The following RNF220 variants were observed in gnomAD, a reference collection of about 807,000 sequenced individuals.
RNF220 encodes the protein E3 ubiquitin-protein ligase RNF220.
A neutral mutation model predicts 67.1 loss-of-function variants in RNF220; 7 were observed. That is an observed-to-expected ratio of 0.10 (90% CI 0.06 to 0.20). The LOEUF is 0.20. Among genes scored for constraint, RNF220 ranks in the 10% least tolerant of loss-of-function variants. RNF220 has a pLI of 1.00. For synonymous variants in RNF220, 270 were observed against 283.2 expected (o/e 0.95, Z 0.47); for missense variants, 565 against 740.3 (o/e 0.76, Z 2.75).
intron 2 of RNF220, among the ~76,000 whole-genome samples, chr1:44,448,334 A>G (rs548475667): frequency 6.6e-6 from 1 of 152,264 alleles, no homozygotes; most frequent in East Asian, 1.9e-4. Context: ...TTTATACTTC[A>G]GTTTTTTTCA....
intron 2 of RNF220, among the ~76,000 whole-genome samples, chr1:44,510,017 C>T (rs1421926993): frequency 2.6e-5 from 4 of 151,640 alleles, no homozygotes; most frequent in African/African-American, 7.3e-5. Context: ...GCGGGAGGAT[C>T]GCTTGAGCCC....
At chr1:44,506,140 A>G (rs892692205) in intron 2 of RNF220, among the ~76,000 whole-genome samples, 2 of 152,256 alleles carry the variant, frequency 1.3e-5, no homozygotes, top group Non-Finnish European at 2.9e-5. Flanking sequence ...CAGGCACTCT[A>G]GCCCAGAAGT....
At chr1:44,611,569 C>G (rs1019236425) in intron 2 of RNF220, among the ~76,000 whole-genome samples, 1 of 152,218 alleles carries the variant, frequency 6.6e-6, no homozygotes, top group Non-Finnish European at 1.5e-5. Flanking sequence ...GTTCCAGCAA[C>G]CTGTCAACTC....
chr1:44,463,158 G>A (rs535765528), intron 2 of RNF220, among the ~76,000 whole-genome samples: 5 of 152,148 alleles, frequency 3.3e-5, no homozygotes, highest in African/African-American at 1.2e-4. Context: ...CCAACATGGA[G>A]AAACCCCGTC....
intron 2 of RNF220, chr1:44,419,436 A>G (rs1648967420): frequency 6.6e-6 from 1 of 152,258 alleles, no homozygotes. Flanking sequence ...TGCTAAGTAA[A>G]CAGAAGGAAT....
chr1:44,418,677 A>G (rs879823707), intron 2 of RNF220, among the ~76,000 whole-genome samples: 1 of 151,928 alleles, frequency 6.6e-6, no homozygotes, highest in Non-Finnish European at 1.5e-5. Flanking sequence ...TATCCAAATA[A>G]CAAAAGTTGC....
At chr1:44,535,723 C>T (rs1265327299) in intron 2 of RNF220, among the ~76,000 whole-genome samples, 1 of 152,188 alleles carries the variant, frequency 6.6e-6, no homozygotes, top group African/African-American at 2.4e-5. Flanking sequence ...CTGCGCAGCT[C>T]CTGGGTGACT....
At chr1:44,466,376 G>T (rs1471940643) in intron 2 of RNF220, among the ~76,000 whole-genome samples, 4 of 152,122 alleles carry the variant, frequency 2.6e-5, no homozygotes, top group African/African-American at 9.7e-5. Flanking sequence ...CATCCATGAG[G>T]GTTGGAATTA....
chr1:44,451,529 T>C (rs1396886552), intron 2 of RNF220, among the ~76,000 whole-genome samples: 4 of 152,246 alleles, frequency 2.6e-5, no homozygotes, highest in Non-Finnish European at 4.4e-5. Context: ...CTCTGTGATA[T>C]GTGTTGCAAA....
intron 3 of RNF220, among the ~76,000 whole-genome samples, chr1:44,620,304 C>T (rs528417250): frequency 1.3e-5 from 2 of 152,352 alleles, no homozygotes; most frequent in South Asian, 4.1e-4. Flanking sequence ...ATGTTAAGGC[C>T]TGCGCCTGTC....
chr1:44,620,171 TG>T (rs1425914429), intron 3 of RNF220, among the ~76,000 whole-genome samples: 1 of 152,260 alleles, frequency 6.6e-6, no homozygotes, highest in Non-Finnish European at 1.5e-5. Context: ...AAGCCAGCAC[TG>T]TGGGCTTGGC....
intron 2 of RNF220, among the ~76,000 whole-genome samples, chr1:44,512,809 G>A (rs1160214630): frequency 6.6e-6 from 1 of 152,184 alleles, no homozygotes; most frequent in Non-Finnish European, 1.5e-5. Flanking sequence ...TGGAAGAAGA[G>A]CGGCTGTCTC....
chr1:44,464,624 C>G (rs1007177171), intron 2 of RNF220, among the ~76,000 whole-genome samples: 1 of 152,142 alleles, frequency 6.6e-6, no homozygotes, highest in African/African-American at 2.4e-5. Flanking sequence ...ATTTGATGAG[C>G]TAATATGCCA....
At chr1:44,630,453 C>T (rs1644083720) in intron 5 of RNF220, among the ~76,000 whole-genome samples, 1 of 152,242 alleles carries the variant, frequency 6.6e-6, no homozygotes, top group Admixed American at 6.5e-5. Flanking sequence ...TGTTTCCCAA[C>T]CCATCACTGG....
At chr1:44,451,822 T>C (rs1397322063) in intron 2 of RNF220, among the ~76,000 whole-genome samples, 1 of 152,142 alleles carries the variant, frequency 6.6e-6, no homozygotes, top group Non-Finnish European at 1.5e-5. Flanking sequence ...GGTTTCACCA[T>C]GTTGGCCAGG....
At chr1:44,470,411 G>T (rs573465854) in intron 2 of RNF220, among the ~76,000 whole-genome samples, 36 of 152,334 alleles carry the variant, frequency 2.4e-4, no homozygotes, top group Non-Finnish European at 4.3e-4. Flanking sequence ...TTTATTTATG[G>T]AGTGTCTACT....
rs1663930341 is a variant in RNF220, at chr1:44,565,506, G to A, written c.626-48659G>A. Among the ~76,000 whole-genome samples the A allele has an allele frequency of 6.6e-6, 1 of 152,164 alleles. No homozygotes were observed. Among genetic ancestry groups the A allele is most frequent in the African/African-American group, 2.4e-5 (1 of 41,438 alleles). On this transcript the variant is annotated intron_variant, in intron 2 of 14. Transcript: ENST00000361799. The surrounding 1 kb of genome is among the most constrained non-coding windows in gnomAD (Gnocchi z 4.2). ...GCAGGCTGGGGACAGCAGGCAGGAA[G>A]CAGTGGGCCCATTCCTCAGCGCTAA...
intron 2 of RNF220, chr1:44,573,070 T>G (rs758780198): frequency 1.4e-4 from 29 of 213,194 alleles, no homozygotes; most frequent in Non-Finnish European, 2.7e-4. Flanking sequence ...AGGGGGAGCT[T>G]ATAATATAAT....
At chr1:44,626,617 T>C in intron 5 of RNF220, 1 of 573,712 alleles carries the variant, frequency 1.7e-6, no homozygotes, top group East Asian at 2.9e-5. Flanking sequence ...GATGCCAAGG[T>C]CACATGGGCT....
Sources: gnomAD v4.1 joint callset for allele counts (sites outside exome capture counted in the v4.1 genomes callset) on GRCh38, gnomAD v4.1.1 for gene constraint, Gnocchi (gnomAD v3.1) non-coding constraint, MANE v1.5 for transcripts, NCBI Gene and HGNC (gene_info 2026-07-23, HGNC 2026-07-21) for gene names.